IGF1: variants seen among roughly 807,000 people sequenced by gnomAD.
IGF1 encodes the protein insulin-like growth factor 1.
IGF1 carries 4 observed loss-of-function variants against 13.8 expected under a neutral mutation model. That is an observed-to-expected ratio of 0.29 (90% confidence interval 0.14 to 0.66). The LOEUF (loss-of-function observed/expected upper bound fraction) is 0.66. Among genes scored for constraint, IGF1 ranks in the 30% least tolerant of loss-of-function variants. IGF1 has a pLI of 0.78. For missense variants in IGF1, 124 were observed against 188.5 expected, an observed-to-expected ratio of 0.66 and a Z score of 2.00; for synonymous variants, 76 against 72.6, an observed-to-expected ratio of 1.05 and a Z score of -0.23.
chr12:102,449,179 A>T (rs1352486966), intron 2 of IGF1, among the ~76,000 whole-genome samples: 1 of 152,252 alleles, frequency 6.6e-6, no homozygotes, highest in Non-Finnish European at 1.5e-5. Flanking sequence ...CTGGAAGAAG[A>T]AAATGTGGCA....
At chr12:102,454,792 A>T (rs188416850) in intron 2 of IGF1, among the ~76,000 whole-genome samples, 1 of 152,344 alleles carries the variant, frequency 6.6e-6, no homozygotes, top group Admixed American at 6.5e-5. Context: ...AATATTTGGG[A>T]ATGCAGGGAT....
At chr12:102,476,323 T>G (rs1351223548) in intron 1 of IGF1, among the ~76,000 whole-genome samples, 1 of 152,050 alleles carries the variant, frequency 6.6e-6, no homozygotes, top group Non-Finnish European at 1.5e-5. Context: ...TATTTTTGAC[T>G]AAAAATAATT....
At chr12:102,404,446 G>A (rs1291282644) in intron 3 of IGF1, among the ~76,000 whole-genome samples, 1 of 152,192 alleles carries the variant, frequency 6.6e-6, no homozygotes, top group Non-Finnish European at 1.5e-5. Flanking sequence ...GAACATGAGA[G>A]TTATCACCAA....
chr12:102,441,926 T>C (rs775088556), intron 2 of IGF1, among the ~76,000 whole-genome samples: 24 of 127,320 alleles, frequency 1.9e-4, no homozygotes, highest in Middle Eastern at 3.6e-3. Flanking sequence ...CTTCTTCTTC[T>C]TCTTCTTCTT....
At chr12:102,425,910 A>C (rs1044991595) in intron 2 of IGF1, among the ~76,000 whole-genome samples, 1 of 152,236 alleles carries the variant, frequency 6.6e-6, no homozygotes, top group Non-Finnish European at 1.5e-5. Context: ...ATACTTTGGC[A>C]AGAGAAATGC....
intron 3 of IGF1, among the ~76,000 whole-genome samples, chr12:102,411,240 C>T (rs961604773): frequency 2.0e-5 from 3 of 152,168 alleles, no homozygotes; most frequent in Admixed American, 6.5e-5. Flanking sequence ...GCTAGTCAAG[C>T]ATGCCACATA....
intron 2 of IGF1, among the ~76,000 whole-genome samples, chr12:102,438,400 G>A (rs1421241268): frequency 3.3e-5 from 5 of 152,258 alleles, no homozygotes; most frequent in Middle Eastern, 3.4e-3. Context: ...AAGAAGTTCC[G>A]TGCAAAAAGC....
At chr12:102,416,292 G>T (rs989984721) in intron 3 of IGF1, among the ~76,000 whole-genome samples, 1 of 152,192 alleles carries the variant, frequency 6.6e-6, no homozygotes, top group Non-Finnish European at 1.5e-5. Flanking sequence ...CAACTTGGAG[G>T]ATGGCGAGAG....
chr12:102,460,605 G>C (rs2137197545), intron 2 of IGF1, among the ~76,000 whole-genome samples: 1 of 152,282 alleles, frequency 6.6e-6, no homozygotes, highest in East Asian at 1.9e-4. Flanking sequence ...AAAGGAATGA[G>C]AGAATACTAA....
At chr12:102,440,064 T>C (rs1877580384) in intron 2 of IGF1, among the ~76,000 whole-genome samples, 1 of 152,186 alleles carries the variant, frequency 6.6e-6, no homozygotes, top group Non-Finnish European at 1.5e-5. Context: ...GGACCGGACC[T>C]AAGGACCTCT....
At chr12:102,456,221 G>GGTGT (rs59075811) in intron 2 of IGF1, among the ~76,000 whole-genome samples, 9,785 of 140,144 alleles carry the variant, frequency 0.07, 347 homozygotes, top group African/African-American at 0.078. Flanking sequence ...ATTTAAAAAA[G>GGTGT]GTGTGTGTGT....
At chr12:102,445,963 A>G (rs1174106231) in intron 2 of IGF1, among the ~76,000 whole-genome samples, 1 of 152,072 alleles carries the variant, frequency 6.6e-6, no homozygotes, top group Non-Finnish European at 1.5e-5. Context: ...ATTTTATTGA[A>G]GGCCTTTTCT....
chr12:102,432,839 A>T (rs1266297134), intron 2 of IGF1, among the ~76,000 whole-genome samples: 3 of 151,674 alleles, frequency 2.0e-5, no homozygotes, highest in Non-Finnish European at 4.4e-5. Flanking sequence ...AACTTAAAGT[A>T]TAATAAAAAT....
chr12:102,413,779 G>A (rs1874846124), intron 3 of IGF1, among the ~76,000 whole-genome samples: 2 of 152,124 alleles, frequency 1.3e-5, no homozygotes, highest in Admixed American at 1.3e-4. Flanking sequence ...AACTGGTTGA[G>A]AAAAATGGTG....
chr12:102,423,214 C>T (rs1179292481), intron 2 of IGF1: 1 of 148,036 alleles, frequency 6.8e-6, no homozygotes, highest in Non-Finnish European at 1.5e-5. Context: ...TTGAAGTTCC[C>T]CAAGATGCTC....
chr12:102,468,752 C>G (rs915669232), intron 2 of IGF1, among the ~76,000 whole-genome samples: 2 of 152,178 alleles, frequency 1.3e-5, no homozygotes, highest in Admixed American at 6.5e-5. Context: ...CAGCTCAATG[C>G]GAAAACGATT....
In IGF1 at chr12:102,430,271, C is replaced by T. The variant is rs139447010; in HGVS notation, c.221-10581G>A. Among the ~76,000 whole-genome samples, 3 of 152,270 alleles carry T rather than the reference C, an allele frequency of 2.0e-5. No homozygotes were observed. The East Asian group carries it at 5.8e-4, about 29-fold the overall frequency. On this transcript the variant is annotated intron_variant, in intron 2 of 3. Transcript: ENST00000337514. ...CATTCTCTCTTCTCAGCCTTCCAGC[C>T]AAGTACCTGCTACTTTGTAACCCCA...
intron 3 of IGF1, among the ~76,000 whole-genome samples, chr12:102,414,840 T>G (rs1874948172): frequency 6.6e-6 from 1 of 152,220 alleles, no homozygotes; most frequent in African/African-American, 2.4e-5. Flanking sequence ...TATTTCAGGA[T>G]GATTATTCCA....
rs774032477 is a variant in IGF1, at chr12:102,475,636, T to C, written c.220+7A>G. On this transcript the variant is annotated splice_region_variant and intron_variant, in intron 2 of 3. Coordinates refer to ENST00000337514, the MANE Select transcript of IGF1 (RefSeq NM_000618.5). ...TGAGCAGCACATTGAGAGGGAGGGC[T>C]ACTTACTGAAATAAAAGCCCCTGTC... 1.9e-6 allele frequency: 3 copies of C among 1,614,064 alleles called. No homozygotes were observed. The South Asian group carries it at 3.3e-5, about 18-fold the overall frequency.
Sources: allele counts gnomAD v4.1 joint callset (sites outside exome capture counted in the v4.1 genomes callset), GRCh38; gene constraint gnomAD v4.1.1; transcripts MANE v1.5; gene names NCBI Gene and HGNC (gene_info 2026-07-23, HGNC 2026-07-21).